The following ACTR10 variants were observed in gnomAD, a reference collection of about 807,000 sequenced individuals.
The protein encoded by ACTR10 is actin-related protein 10.
In ACTR10, 43 loss-of-function variants were observed where a neutral mutation model predicts 56.2. That is an observed-to-expected ratio of 0.77 (90% confidence interval 0.60 to 0.99). The LOEUF is 0.99. ACTR10 is among the 50% of genes least tolerant of loss of function. The pLI is 0.00. For missense variants in ACTR10, 466 were observed against 507.8 expected (o/e 0.92, Z 0.79); for synonymous variants, 170 against 176.3 (o/e 0.96, Z 0.28).
chr14:58,210,353 G>A lies in ACTR10; in HGVS notation c.343-939G>A, dbSNP rs1327568368. On this transcript the variant is annotated intron_variant, in intron 4 of 12. Coordinates refer to ENST00000254286, the MANE Select transcript of ACTR10 (RefSeq NM_018477.3). ...ACTGCCAGTTACAGTTCAATTAGCC[G>A]GACGTGGTGGCATGCACCTGTAGTC... 4.6e-5 allele frequency among the ~76,000 whole-genome samples: 7 copies of A among 151,944 alleles called. No homozygotes were observed. The East Asian group carries it at 9.7e-4, about 21-fold the overall frequency.
chr14:58,224,573 C>G (rs575838886), intron 10 of ACTR10, among the ~76,000 whole-genome samples: 7 of 152,276 alleles, frequency 4.6e-5, no homozygotes, highest in Admixed American at 2.0e-4. Flanking sequence ...AACCCCAGCA[C>G]TTTGGGAGGT....
intron 8 of ACTR10, among the ~76,000 whole-genome samples, chr14:58,223,183 C>A (rs1309319452): frequency 6.6e-6 from 1 of 152,116 alleles, no homozygotes; most frequent in Non-Finnish European, 1.5e-5. Context: ...GTTGCCCAGG[C>A]TGGAGTGCAG....
At position 58,208,008 on chromosome 14, in the gene ACTR10, CTA is replaced by C; in HGVS notation, c.227_228del (p.Tyr76PhefsTer38). The stretch of plus-strand genomic sequence containing the variant: ...CTACCTAAAGGAATTCATCCACATA[CTA>C]TATTTCAGGTAAGATACATTTTGTT... Reference protein sequence around the residue: ...YSYLKEFIHILYFRHLLVNPR... With the variant: ...YSYLKEFIHIXYFRHLLVNPR... On this transcript the variant is annotated frameshift_variant, in exon 3 of 13. Coordinates refer to ENST00000254286, the MANE Select transcript of ACTR10 (RefSeq NM_018477.3). LOFTEE classifies it high-confidence loss of function. 6.6e-7 allele frequency: 1 copy of C among 1,506,396 alleles called. No individual in the cohort carries two copies. Among genetic ancestry groups the C allele is most frequent in the Non-Finnish European group, 8.8e-7 (1 of 1,135,204 alleles). The allele number at this position is 1,506,396 out of a possible 1,614,324, so 93.3% of individuals were successfully genotyped here. A position where few individuals can be genotyped will look rare whatever the true frequency, so the allele number is the denominator to read the frequency against.
At chr14:58,214,824 G>T (rs553236921) in intron 6 of ACTR10, among the ~76,000 whole-genome samples, 129 of 150,926 alleles carry the variant, frequency 8.5e-4, no homozygotes, top group Non-Finnish European at 1.6e-3. Context: ...ATAATAATCG[G>T]GCTGGGTGTG....
intron 5 of ACTR10, among the ~76,000 whole-genome samples, chr14:58,211,939 CAA>C (rs35891910): frequency 3.9e-5 from 5 of 127,268 alleles, no homozygotes; most frequent in Non-Finnish European, 3.4e-5. Flanking sequence ...GACTCTGTCT[CAA>C]AAAAAAAAAA....
intron 1 of ACTR10, among the ~76,000 whole-genome samples, chr14:58,202,178 T>A (rs10483697): frequency 0.24 from 36,534 of 151,966 alleles, 5,440 homozygotes; most frequent in East Asian, 0.62. Flanking sequence ...AATATTAGAA[T>A]GATGGAATTA....
rs970244760 is a variant in ACTR10 at position 58,216,707 on chromosome 14, T to C, written c.598+1423T>C. On this transcript the variant is annotated intron_variant, in intron 7 of 12. Transcript: ENST00000254286. ...CTGGGATGTTTTTCTTTGCCTAGTT[T>C]GGTTTTTGATCCCTCTGCATGACTC... 7.2e-5 allele frequency among the ~76,000 whole-genome samples: 11 copies of C among 152,328 alleles called. 1 individual carries two copies. The highest frequency in any genetic ancestry group is 6.5e-4 in the Admixed American group (10 of 15,306).
In ACTR10 at chr14:58,209,054, T is replaced by C. The variant is rs769419229; in HGVS notation, c.289T>C (p.Cys97Arg). The part of the protein sequence containing the change: ...RRVVIIESVL[C>R]PSHFRETLTR... Reference sequence around the variant, plus strand: ...AGTTGTGATTATCGAATCGGTATTATGTCCTTCTCACTTCAGAGAGACACT... The same window carrying C: ...AGTTGTGATTATCGAATCGGTATTACGTCCTTCTCACTTCAGAGAGACACT... Residue 97 changes from cysteine to arginine, a missense_variant, in exon 4 of 13, where the codon TGT becomes CGT. Transcript: ENST00000254286. 9.3e-6 allele frequency: 15 copies of C among 1,611,954 alleles called. No individual in the cohort carries two copies. The highest frequency in any genetic ancestry group is 6.7e-5 in the African/African-American group (5 of 74,866).
At chr14:58,231,991 A>G (rs1889547354) in intron 11 of ACTR10, 75 bp from the exon 12 acceptor site, 2 of 897,124 alleles carry the variant, frequency 2.2e-6, no homozygotes, top group East Asian at 5.1e-5. Flanking sequence ...ATATTTATGT[A>G]TATTTTCTTA....
intron 10 of ACTR10, among the ~76,000 whole-genome samples, chr14:58,227,208 A>C (rs1466321610): frequency 4.0e-5 from 6 of 151,196 alleles, no homozygotes; most frequent in African/African-American, 1.5e-4. Context: ...TAAGAGCTTA[A>C]AGTTACTAGG....
chr14:58,205,626 T>C (rs1158688684), intron 2 of ACTR10, among the ~76,000 whole-genome samples: 1 of 152,190 alleles, frequency 6.6e-6, no homozygotes, highest in Non-Finnish European at 1.5e-5. Flanking sequence ...AGAAATCTTT[T>C]TAATTACACT....
intron 12 of ACTR10, 150 bp from the exon 13 acceptor site, chr14:58,234,220 G>T: frequency 1.8e-6 from 1 of 561,272 alleles, no homozygotes; most frequent in Non-Finnish European, 3.0e-6. Flanking sequence ...ATAAAGAATG[G>T]CTTAACTGGA....
intron 12 of ACTR10, among the ~76,000 whole-genome samples, chr14:58,233,527 CTGTTTATGTGT>C (rs1889595595): frequency 6.6e-6 from 1 of 152,064 alleles, no homozygotes; most frequent in South Asian, 2.1e-4. Flanking sequence ...AGATACTGGG[CTGTTTATGTGT>C]TAATCGACTA....
At chr14:58,223,989 A>G (rs1889342099) in intron 10 of ACTR10, 133 bp downstream of exon 10, 5 of 758,504 alleles carry the variant, frequency 6.6e-6, no homozygotes, top group Non-Finnish European at 1.0e-5. Flanking sequence ...CTCATTATTC[A>G]TGATTAATTT....
chr14:58,231,331 A>G (rs531575689), intron 11 of ACTR10, among the ~76,000 whole-genome samples: 1 of 151,262 alleles, frequency 6.6e-6, no homozygotes, highest in South Asian at 2.1e-4. Context: ...TACAGGCGTG[A>G]GCCACCAAAC....
chr14:58,234,286 A>C, intron 12 of ACTR10, 84 bp from the exon 13 acceptor site: 1 of 1,199,878 alleles, frequency 8.3e-7, no homozygotes, highest in Non-Finnish European at 1.1e-6. Flanking sequence ...CACTTTTGTC[A>C]TATAGTGAAG....
At chr14:58,205,771 C>T (rs1888843595) in intron 2 of ACTR10, among the ~76,000 whole-genome samples, 2 of 152,048 alleles carry the variant, frequency 1.3e-5, no homozygotes, top group African/African-American at 4.8e-5. Flanking sequence ...CCTGTAATCC[C>T]AGCACTTTGG....
intron 10 of ACTR10, among the ~76,000 whole-genome samples, chr14:58,224,212 G>A (rs1448424351): frequency 6.6e-6 from 1 of 152,034 alleles, no homozygotes; most frequent in Non-Finnish European, 1.5e-5. Flanking sequence ...ATGTTAGCCA[G>A]GTTGGTCTCA....
intron 10 of ACTR10, among the ~76,000 whole-genome samples, chr14:58,226,463 T>G (rs1889403860): frequency 6.7e-6 from 1 of 150,172 alleles, no homozygotes. Context: ...TCAATGAACA[T>G]GGAATTGTTG....
Sources: allele counts gnomAD v4.1 joint callset (sites outside exome capture counted in the v4.1 genomes callset), GRCh38; gene constraint gnomAD v4.1.1; transcripts MANE v1.5; gene names NCBI Gene and HGNC (gene_info 2026-07-23, HGNC 2026-07-21).